TCL1A: variants seen among roughly 807,000 people sequenced by gnomAD.
TCL1A encodes the protein TCL1 family AKT coactivator A, also known as T-cell leukemia/lymphoma protein 1A.
TCL1A carries 9 observed loss-of-function variants against 16.9 expected under a neutral mutation model. That is an observed-to-expected ratio of 0.53 (90% CI 0.32 to 0.93). The LOEUF is 0.93. Among genes scored for constraint, TCL1A ranks in the 40% least tolerant of loss-of-function variants. TCL1A has a pLI of 0.04. For synonymous variants in TCL1A, 69 were observed against 63.2 expected (o/e 1.09, Z -0.44); for missense variants, 139 against 153.0 (o/e 0.91, Z 0.48).
At position 95,712,450 on chromosome 14, in the gene TCL1A, C is replaced by T. The variant is rs1886383996; in HGVS notation, c.121-54G>A. On this transcript the variant is annotated intron_variant, in intron 1 of 3. Coordinates refer to ENST00000402399, the MANE Select transcript of TCL1A (RefSeq NM_021966.3). ...TTTCAGGTTCCGCTTGCCAGGGCTT[C>T]TCCAGGCGCAGAAAACCGGAATCCC... is the stretch of plus-strand genomic sequence containing the variant. The T allele has an allele frequency of 2.6e-6, 4 of 1,546,706 alleles. No individual in the cohort carries two copies. In the South Asian group the frequency reaches 5.0e-5, roughly 19 times the overall value.
intron 1 of TCL1A, among the ~76,000 whole-genome samples, chr14:95,713,240 G>C (rs138342827): frequency 6.6e-6 from 1 of 152,210 alleles, no homozygotes; most frequent in Admixed American, 6.5e-5. Flanking sequence ...CTGGACATAC[G>C]TGTTCTAATA....
intron 1 of TCL1A, among the ~76,000 whole-genome samples, chr14:95,713,505 A>G (rs117312585): frequency 2.0e-5 from 3 of 152,298 alleles, no homozygotes; most frequent in Admixed American, 6.5e-5. Flanking sequence ...GTAGTGGAAA[A>G]TACTTCACAC....
chr14:95,712,831 T>G, intron 1 of TCL1A: 1 of 514,778 alleles, frequency 1.9e-6, no homozygotes, highest in Non-Finnish European at 3.2e-6. Flanking sequence ...ATACTGGCCT[T>G]TTCAATGATG....
At chr14:95,713,681 T>C (rs1478456472) in intron 1 of TCL1A, among the ~76,000 whole-genome samples, 1 of 152,146 alleles carries the variant, frequency 6.6e-6, no homozygotes, top group Admixed American at 6.5e-5. Context: ...GCCCAGAAAA[T>C]GCCTGCTGTA....
At chr14:95,713,897 C>T (rs558391942) in intron 1 of TCL1A, 50 bp downstream of exon 1, 1 of 1,605,290 alleles carries the variant, frequency 6.2e-7, no homozygotes, top group Non-Finnish European at 8.5e-7. Flanking sequence ...ATCCCAAGCT[C>T]CCAGGGGCTG....
rs1886330349 is a variant in TCL1A at position 95,710,897 on chromosome 14, A to C, written c.*7-16T>G. On this transcript the variant is annotated splice_polypyrimidine_tract_variant and intron_variant, in intron 3 of 3. Transcript: ENST00000402399. ...CTGCCAAGACCTGGAGAAGGACAAA[A>C]GAAGACAGAATCAAGGGTGAAGGAA... is the stretch of plus-strand genomic sequence containing the variant. 6.5e-6 allele frequency: 1 copy of C among 153,142 alleles called. No homozygotes were observed. The highest frequency in any genetic ancestry group is 1.5e-5 in the Non-Finnish European group (1 of 68,728). 9.5% of individuals were successfully genotyped at this position (153,142 alleles called of 1,614,324 possible).
In TCL1A at chr14:95,712,352, G is replaced by A. The variant is rs142911529; in HGVS notation, c.165C>T (p.Asp55=). 884 of 1,613,612 alleles carry A rather than the reference G, an allele frequency of 5.5e-4. 1 individual carries two copies. The highest frequency in any genetic ancestry group is 7.1e-4 in the Non-Finnish European group (834 of 1,179,706). The stretch of plus-strand genomic sequence containing the variant: ...GGGTCATAGGCCTCCCCAGGACGAC[G>A]TCTTCCCGACGCAAGAGCACCCGTA... The part of the protein sequence containing the change: ...LQLRVLLRRE[D]VVLGRPMTPT... The change falls in exon 2 of 4, where the codon GAC becomes GAT. Residue 55 remains aspartate (D), a synonymous_variant. Transcript: ENST00000402399.
intron 1 of TCL1A, among the ~76,000 whole-genome samples, chr14:95,713,553 C>G (rs191103822): frequency 4.6e-5 from 7 of 152,244 alleles, no homozygotes; most frequent in South Asian, 4.2e-4. Context: ...TGACCCTAAA[C>G]TGTTGAGGGT....
intron 1 of TCL1A, among the ~76,000 whole-genome samples, chr14:95,713,561 G>T (rs1886443480): frequency 6.6e-6 from 1 of 152,202 alleles, no homozygotes. Context: ...AACTGTTGAG[G>T]GTTCTTTTTA....
At chr14:95,713,483 T>G (rs546930386) in intron 1 of TCL1A, among the ~76,000 whole-genome samples, 2 of 152,294 alleles carry the variant, frequency 1.3e-5, no homozygotes, top group African/African-American at 2.4e-5. Flanking sequence ...GTTTTCTAAA[T>G]AAAGCCCAGA....
Position 95,710,401 on chromosome 14 carries a change from G to GGCAGGCAGCGTTTGCAGGCGTGTTTACCA in TCL1A, c.*486_*487insTGGTAAACACGCCTGCAAACGCTGCCTGC. 1 of 152,036 alleles carries GGCAGGCAGCGTTTGCAGGCGTGTTTACCA rather than the reference G, an allele frequency of 6.6e-6. No homozygotes were observed. Among genetic ancestry groups the GGCAGGCAGCGTTTGCAGGCGTGTTTACCA allele is most frequent in the African/African-American group, 2.4e-5 (1 of 40,866 alleles). 9.4% of individuals were successfully genotyped at this position (152,036 alleles called of 1,614,324 possible). On this transcript the variant is annotated 3_prime_UTR_variant, in exon 4 of 4. Coordinates refer to ENST00000402399, the MANE Select transcript of TCL1A (RefSeq NM_021966.3). ...GGCAGCGTTTGCAGGCGTGTTTACC[G>GGCAGGCAGCGTTTGCAGGCGTGTTTACCA]GCAGGCAGCGTTTGCAGGCGTGTTT...
chr14:95,712,183 A>G (rs1886373252), intron 2 of TCL1A, 37 bp downstream of exon 2: 1 of 1,613,380 alleles, frequency 6.2e-7, no homozygotes, highest in East Asian at 2.2e-5. Flanking sequence ...GGCAAACCCA[A>G]GATCACCCGA....
intron 3 of TCL1A, 122 bp downstream of exon 3, chr14:95,711,627 T>G: frequency 8.5e-7 from 1 of 1,176,462 alleles, no homozygotes; most frequent in Non-Finnish European, 1.2e-6. Context: ...CTCCCATCCC[T>G]AGGGACCCTC....
rs202164556 is a variant in TCL1A at position 95,714,055 on chromosome 14, G to C, written c.12C>G (p.Cys4Trp). The stretch of plus-strand genomic sequence containing the variant: ...CGGTGACTGCCTCCCCGAGTGTCGG[G>C]CACTCGGCCATGGCGTCCTCGGGCC... Reference protein sequence around the residue: MAECPTLGEAVTDH... With the variant: MAEWPTLGEAVTDH... Residue 4 changes from cysteine to tryptophan, a missense_variant, in exon 1 of 4, where the codon TGC becomes TGG. By Grantham distance (215) the Cys-to-Trp change is radical (BLOSUM62 -2). Coordinates refer to ENST00000402399, the MANE Select transcript of TCL1A (RefSeq NM_021966.3). The C allele has an allele frequency of 3.8e-5, 61 of 1,613,784 alleles. 1 individual carries two copies. The South Asian group carries it at 3.8e-4, about 10-fold the overall frequency.
intron 1 of TCL1A, among the ~76,000 whole-genome samples, 180 bp downstream of exon 1, chr14:95,713,767 T>C (rs1886469166): frequency 1.3e-5 from 2 of 152,312 alleles, no homozygotes; most frequent in East Asian, 1.9e-4. Context: ...TTTCCCACCC[T>C]TCTTCCCTGC....
At chr14:95,711,343 C>G in intron 3 of TCL1A, 6 of 155,506 alleles carry the variant, frequency 3.9e-5, no homozygotes, top group East Asian at 1.8e-4. Context: ...GTGGCGGGCG[C>G]CTGTAGTCCC....
At chr14:95,712,765 G>A in intron 1 of TCL1A, 1 of 968,774 alleles carries the variant, frequency 1.0e-6, no homozygotes, top group Non-Finnish European at 1.4e-6. Flanking sequence ...CACAGAGCGA[G>A]ACCCTGTATC....
At chr14:95,713,750 T>C (rs1886465593) in intron 1 of TCL1A, among the ~76,000 whole-genome samples, 197 bp downstream of exon 1, 1 of 152,286 alleles carries the variant, frequency 6.6e-6, no homozygotes, top group Admixed American at 6.5e-5. Context: ...CGACATTCCT[T>C]TGCGGTTTTC....
intron 2 of TCL1A, chr14:95,712,013 G>C (rs1886369354): frequency 2.4e-6 from 2 of 846,824 alleles, no homozygotes; most frequent in African/African-American, 3.4e-5. Flanking sequence ...CTGGTGGCTG[G>C]GAGGAAGTGG....
Sources: allele counts gnomAD v4.1 joint callset (sites outside exome capture counted in the v4.1 genomes callset), GRCh38; gene constraint gnomAD v4.1.1; transcripts MANE v1.5; gene names NCBI Gene and HGNC (gene_info 2026-07-23, HGNC 2026-07-21).